MYH7: variants seen among roughly 807,000 people sequenced by gnomAD.
MYH7 encodes the protein myosin heavy chain 7, also known as myosin-7.
MYH7 carries 129 observed loss-of-function variants against 225.4 expected under a neutral mutation model. The ratio of observed to expected loss-of-function variants is 0.57; its 90% CI spans 0.50 to 0.66. The LOEUF (loss-of-function observed/expected upper bound fraction) is 0.66. Ranked by LOEUF, MYH7 falls within the 30% of genes least tolerant of loss-of-function variation. MYH7 has a pLI of 0.00. For synonymous variants in MYH7, 971 were observed against 1,007.6 expected (o/e 0.96, Z 0.69); for missense variants, 1,649 against 2,517.0 (o/e 0.66, Z 7.38).
Position 23,420,240 on chromosome 14 carries a change from C to T in MYH7, c.3337-6G>A. On this transcript the variant is annotated splice_polypyrimidine_tract_variant and splice_region_variant and intron_variant, in intron 26 of 39. Coordinates refer to ENST00000355349, the MANE Select transcript of MYH7 (RefSeq NM_000257.4). ...TCCAGCTCCTCGATGCGTGCCTGGTCAGACACAAAGGGCTCAGACCCACCG... is the reference window on the plus strand; with the variant it reads ...TCCAGCTCCTCGATGCGTGCCTGGTTAGACACAAAGGGCTCAGACCCACCG... The T allele has an allele frequency of 6.2e-7, 1 of 1,610,432 alleles. No individual in the cohort carries two copies.
chr14:23,432,910 C>T, intron 4 of MYH7, 115 bp from the exon 5 acceptor site: 1 of 1,505,104 alleles, frequency 6.6e-7, no homozygotes, highest in Non-Finnish European at 9.1e-7. Context: ...CCTCTGCATG[C>T]ACTCAATCTG....
rs1484121551 is a variant in MYH7 at position 23,434,285 on chromosome 14, G to A, written c.-64-36C>T. 5.0e-6 allele frequency: 5 copies of A among 996,970 alleles called. No homozygotes were observed. The African/African-American group carries it at 8.7e-5, about 17-fold the overall frequency. 61.8% of individuals were successfully genotyped at this position (996,970 alleles called of 1,614,324 possible). A position where few individuals can be genotyped will look rare whatever the true frequency, so the allele number is the denominator to read the frequency against. On this transcript the variant is annotated intron_variant, in intron 1 of 39. Transcript: ENST00000355349. ...GGAAGAGGCTGTGTCAGGGCAGGCTGTGCCCAACCTGACCAGTCCCACCTT... is the reference window on the plus strand; with the variant it reads ...GGAAGAGGCTGTGTCAGGGCAGGCTATGCCCAACCTGACCAGTCCCACCTT...
intron 11 of MYH7, among the ~76,000 whole-genome samples, 187 bp downstream of exon 11, chr14:23,430,373 T>C (rs1357492862): frequency 6.6e-6 from 1 of 152,206 alleles, no homozygotes; most frequent in Non-Finnish European, 1.5e-5. Flanking sequence ...GAACACCAGA[T>C]ACTGGCCAGT....
intron 18 of MYH7, 117 bp from the exon 19 acceptor site, chr14:23,426,198 C>T: frequency 8.5e-7 from 1 of 1,177,160 alleles, no homozygotes; most frequent in Non-Finnish European, 1.2e-6. Context: ...TAGTAATAAT[C>T]ATTTGTTTCA....
intron 29 of MYH7, 151 bp downstream of exon 29, chr14:23,419,026 T>G: frequency 1.3e-6 from 1 of 779,956 alleles, no homozygotes; most frequent in Non-Finnish European, 2.2e-6. Context: ...GTAGATGGCA[T>G]GTGGCAGGGT....
chr14:23,416,479 C>T (rs1397615859), intron 33 of MYH7, among the ~76,000 whole-genome samples, 167 bp from the exon 34 acceptor site: 1 of 152,026 alleles, frequency 6.6e-6, no homozygotes, highest in Non-Finnish European at 1.5e-5. Context: ...AAAAATAAGC[C>T]TAAGAGAAAG....
At chr14:23,431,058 A>C in intron 9 of MYH7, 59 bp from the exon 10 acceptor site, 5 of 1,257,136 alleles carry the variant, frequency 4.0e-6, no homozygotes, top group Middle Eastern at 1.9e-4. Context: ...GGCACAAGGA[A>C]AATTAATGAT....
intron 11 of MYH7, 124 bp from the exon 12 acceptor site, chr14:23,430,037 C>G (rs1285040756): frequency 1.2e-5 from 14 of 1,123,204 alleles, no homozygotes; most frequent in Middle Eastern, 2.3e-4. Context: ...CTCCCATACC[C>G]AGTGGGGAGC....
Position 23,433,186 on chromosome 14 carries a change from T to C in MYH7, c.243A>G (p.Pro81=). 1 of 1,613,996 alleles carries C rather than the reference T, an allele frequency of 6.2e-7. No individual in the cohort carries two copies. Among genetic ancestry groups the C allele is most frequent in the Non-Finnish European group, 8.5e-7 (1 of 1,180,000 alleles). Residue 81 remains proline, a synonymous_variant, in exon 4 of 40, where the codon CCA becomes CCG. Transcript: ENST00000355349. The surrounding 1 kb of genome is among the most constrained non-coding windows in gnomAD (Gnocchi z 4.1). ...TGTCCTCGATTTTGTCGAACTTGGG[T>C]GGGTTCTGCTGCATCACCTGGTCCT... ...VKEDQVMQQN[P]PKFDKIEDMA...
At chr14:23,423,849 A>G in intron 23 of MYH7, 58 bp downstream of exon 23, 1 of 1,613,690 alleles carries the variant, frequency 6.2e-7, no homozygotes. Context: ...GGTCAAGGTC[A>G]GTATGGTCTG....
At chr14:23,416,362 G>T (rs773149848) in intron 33 of MYH7, 50 bp from the exon 34 acceptor site, 2 of 1,583,980 alleles carry the variant, frequency 1.3e-6, no homozygotes, top group South Asian at 1.2e-5. Context: ...AGGGCACAGG[G>T]CAGGGTGGGG....
In MYH7 at chr14:23,433,590, T is replaced by G; in HGVS notation, c.143A>C (p.Lys48Thr). Residue 48 changes from lysine to threonine, a missense_variant, in exon 3 of 40, where the codon AAG (lysine) becomes ACG (threonine). This residue lies in a region of MYH7 where 91 missense variants were observed against 96.5 expected (regional missense o/e 0.94). Transcript: ENST00000355349. The surrounding 1 kb of genome is among the most constrained non-coding windows in gnomAD (Gnocchi z 4.1). ...ACCCTCTCGAGACACGATCTTGGCC[T>G]TGACAAACTCCTGTTTGTCATCAGG... ...FVPDDKQEFV[K>T]AKIVSREGGK... 1 of 1,614,242 alleles carries G rather than the reference T, an allele frequency of 6.2e-7. No homozygotes were observed. Among genetic ancestry groups the G allele is most frequent in the Non-Finnish European group, 8.5e-7 (1 of 1,180,042 alleles).
Position 23,415,017 on chromosome 14 carries a change from C to G in MYH7, c.5537G>C (p.Arg1846Pro). The G allele has an allele frequency of 1.2e-6, 2 of 1,609,306 alleles. No homozygotes were observed. Among genetic ancestry groups the G allele is most frequent in the Non-Finnish European group, 1.7e-6 (2 of 1,179,988 alleles). Residue 1846 changes from arginine (R) to proline (P), a missense_variant, in exon 37 of 40, where the codon CGC becomes CCC. Transcript: ENST00000355349. The surrounding 1 kb of genome is among the most constrained non-coding windows in gnomAD (Gnocchi z 6.3). The part of the protein sequence containing the change: ...SVKGMRKSER[R>P]IKELTYQTEE... ...CACCTGGTAGGTGAGCTCCTTGATG[C>G]GCCGCTCGCTCTTCCTCATGCCCTT...
At chr14:23,421,827 G>C in intron 25 of MYH7, 5 of 978,366 alleles carry the variant, frequency 5.1e-6, no homozygotes, top group Non-Finnish European at 6.1e-6. Flanking sequence ...AGCCACAAAG[G>C]GACTTTCCTA....
In MYH7 at chr14:23,422,073, T is replaced by C. The variant is rs541234119; in HGVS notation, c.3245+107A>G. The C allele has an allele frequency of 9.1e-6, 14 of 1,536,268 alleles. No homozygotes were observed. In the South Asian group the frequency reaches 1.3e-4, roughly 15 times the overall value. On this transcript the variant is annotated intron_variant, in intron 25 of 39. Coordinates refer to ENST00000355349, the MANE Select transcript of MYH7 (RefSeq NM_000257.4). ...CTTTTCCCATGGTTTGCGCCTCCAC[T>C]TGTGGAGGCTGCGTGAGGTTGTTGC...
intron 26 of MYH7, 70 bp from the exon 27 acceptor site, chr14:23,420,304 G>T (rs959258713): frequency 5.1e-6 from 8 of 1,569,356 alleles, no homozygotes; most frequent in Non-Finnish European, 6.0e-6. Flanking sequence ...GCTCTAAAAG[G>T]CTCTCGGCTT....
Position 23,415,369 on chromosome 14 carries a change from TG to T in MYH7, c.5283+11del, listed in dbSNP as rs1356309919. On this transcript the variant is annotated intron_variant, in intron 36 of 39. Coordinates refer to ENST00000355349, the MANE Select transcript of MYH7 (RefSeq NM_000257.4). This position sits in a 1 kb window ranked among gnomAD's most constrained non-coding sequence, Gnocchi z 6.3. ...ACTGGTCTGGATCGGGTCGGTGGAG[TG>T]GGGGACTTACATCCGTGATGGCCTT... 6 of 1,613,826 alleles carry T rather than the reference TG, an allele frequency of 3.7e-6. No individual in the cohort carries two copies. The highest frequency in any genetic ancestry group is 5.1e-6 in the Non-Finnish European group (6 of 1,179,996).
In MYH7 at chr14:23,424,798, TCTC is replaced by T. The variant is rs1314609309; in HGVS notation, c.2647_2649del (p.Glu883del). 1 of 1,614,062 alleles carries T rather than the reference TCTC, an allele frequency of 6.2e-7. No homozygotes were observed. The highest frequency in any genetic ancestry group is 8.5e-7 in the Non-Finnish European group (1 of 1,180,004). On this transcript the variant is annotated inframe_deletion, in exon 22 of 40. Coordinates refer to ENST00000355349, the MANE Select transcript of MYH7 (RefSeq NM_000257.4). ...TGCACTTGGAGCTGCAGGTCATTCT[TCTC>T]CTGCAGCAGGGACACCATCTTCTCC... is the stretch of plus-strand genomic sequence containing the variant.
intron 12 of MYH7, 42 bp downstream of exon 12, chr14:23,429,733 T>G: frequency 6.3e-7 from 1 of 1,593,094 alleles, no homozygotes; most frequent in Non-Finnish European, 8.6e-7. Flanking sequence ...GACATGGCCC[T>G]CCATGACTTG....
Sources: gnomAD v4.1 joint callset for allele counts (sites outside exome capture counted in the v4.1 genomes callset) on GRCh38, gnomAD v4.1.1 for gene constraint, gnomAD v4.1.1 regional missense constraint, Gnocchi (gnomAD v3.1) non-coding constraint, MANE v1.5 for transcripts, NCBI Gene and HGNC (gene_info 2026-07-23, HGNC 2026-07-21) for gene names.